The following ZNF385D variants were observed in gnomAD, a reference collection of about 807,000 sequenced individuals.
ZNF385D encodes zinc finger protein 385D.
A neutral mutation model predicts 35.8 loss-of-function variants in ZNF385D; 15 were observed. That is an observed-to-expected ratio of 0.42 (90% CI 0.28 to 0.64). ZNF385D has a LOEUF of 0.64. ZNF385D is among the 30% of genes least tolerant of loss of function. ZNF385D has a pLI of 0.23. For missense variants in ZNF385D, 474 were observed against 494.6 expected, an observed-to-expected ratio of 0.96 and a Z score of 0.39; for synonymous variants, 212 against 186.8, an observed-to-expected ratio of 1.13 and a Z score of -1.10.
At chr3:22,286,129 T>G (rs1702009927) in intron 2 of ZNF385D, among the ~76,000 whole-genome samples, 2 of 152,172 alleles carry the variant, frequency 1.3e-5, no homozygotes, top group Non-Finnish European at 2.9e-5. Context: ...TTTAATAATA[T>G]GTACGGTACT....
At chr3:22,337,461 G>A (rs530332638) in intron 2 of ZNF385D, among the ~76,000 whole-genome samples, 1 of 152,264 alleles carries the variant, frequency 6.6e-6, no homozygotes, top group Non-Finnish European at 1.5e-5. Context: ...CTGAACCTGG[G>A]AAGCGGAGGT....
chr3:21,961,902 G>A (rs908728561), intron 3 of ZNF385D, among the ~76,000 whole-genome samples: 1 of 152,026 alleles, frequency 6.6e-6, no homozygotes, highest in South Asian at 2.1e-4. Flanking sequence ...AAAGAAAACT[G>A]TTATGACTAA....
At chr3:22,103,347 T>A (rs1441751866) in intron 3 of ZNF385D, among the ~76,000 whole-genome samples, 1 of 151,978 alleles carries the variant, frequency 6.6e-6, no homozygotes, top group Non-Finnish European at 1.5e-5. Flanking sequence ...TTTCAGTCAA[T>A]TTTTGATAAC....
chr3:22,071,209 A>G (rs767001152), intron 3 of ZNF385D, among the ~76,000 whole-genome samples: 7 of 152,160 alleles, frequency 4.6e-5, no homozygotes, highest in Non-Finnish European at 8.8e-5. Context: ...TAAATTCATA[A>G]TATTTGACAT....
chr3:21,775,869 GCT>G (rs1431779209), intron 3 of ZNF385D, among the ~76,000 whole-genome samples: 16 of 151,488 alleles, frequency 1.1e-4, no homozygotes, highest in Admixed American at 1.1e-3. Context: ...ATTAAGACAT[GCT>G]CTTTTTTAAA....
intron 3 of ZNF385D, among the ~76,000 whole-genome samples, chr3:22,022,240 T>C (rs1380000033): frequency 6.6e-6 from 1 of 152,128 alleles, no homozygotes; most frequent in Non-Finnish European, 1.5e-5. Context: ...AACTGGCACA[T>C]GGTTAAGCTT....
rs78259210 is a variant in ZNF385D, at chr3:21,940,358, C to T, written c.325+228459G>A. Among the ~76,000 whole-genome samples the T allele has an allele frequency of 5.0e-3, 762 of 152,222 alleles. 8 individuals are homozygous for T. Among genetic ancestry groups the T allele is most frequent in the African/African-American group, 0.017 (711 of 41,538 alleles). ...AGTTGCTTACTCCCCATGTATCTCA[C>T]GTTCTTCGTCTGTCAAATGGGAAAA... On this transcript the variant is annotated intron_variant, in intron 3 of 5. Transcript: ENST00000494108.
At chr3:21,962,683 G>T (rs1012352157) in intron 3 of ZNF385D, among the ~76,000 whole-genome samples, 3 of 152,160 alleles carry the variant, frequency 2.0e-5, no homozygotes, top group Non-Finnish European at 4.4e-5. Context: ...TAACTGGTGA[G>T]GTGTCCAATT....
chr3:22,152,958 T>C (rs1705340305), intron 3 of ZNF385D, among the ~76,000 whole-genome samples: 1 of 152,166 alleles, frequency 6.6e-6, no homozygotes. Context: ...GTGTACCTCT[T>C]ATCTACTCAC....
intron 3 of ZNF385D, among the ~76,000 whole-genome samples, chr3:22,163,240 T>C (rs953792161): frequency 2.0e-5 from 3 of 152,154 alleles, no homozygotes; most frequent in African/African-American, 7.2e-5. Context: ...TTAGAGATTC[T>C]TGAATCACAC....
At chr3:22,031,270 C>A (rs1320723188) in intron 3 of ZNF385D, among the ~76,000 whole-genome samples, 1 of 152,196 alleles carries the variant, frequency 6.6e-6, no homozygotes. Context: ...TCTGTGGGGG[C>A]TCCAAGCCCA....
chr3:21,471,141 C>T (rs542458511), intron 4 of ZNF385D, among the ~76,000 whole-genome samples: 20 of 152,178 alleles, frequency 1.3e-4, no homozygotes, highest in Non-Finnish European at 2.4e-4. Flanking sequence ...ATGTCATAGC[C>T]GGCGTTATGC....
chr3:21,650,628 A>C (rs1326335679), intron 2 of ZNF385D, among the ~76,000 whole-genome samples: 2 of 152,216 alleles, frequency 1.3e-5, no homozygotes, highest in Non-Finnish European at 2.9e-5. Flanking sequence ...AATTTAAAAT[A>C]ACATATATAA....
At chr3:21,654,613 G>A (rs541588294) in intron 2 of ZNF385D, among the ~76,000 whole-genome samples, 2 of 152,008 alleles carry the variant, frequency 1.3e-5, no homozygotes, top group East Asian at 3.9e-4. Context: ...CTTTGCTGAA[G>A]GACCAGCCCT....
chr3:22,225,452 T>C (rs1247005045), intron 2 of ZNF385D, among the ~76,000 whole-genome samples: 1 of 152,148 alleles, frequency 6.6e-6, no homozygotes, highest in Non-Finnish European at 1.5e-5. Flanking sequence ...CTTTCCCCAC[T>C]GAAAGCAGCT....
At chr3:21,876,303 G>C (rs1697966431) in intron 3 of ZNF385D, among the ~76,000 whole-genome samples, 1 of 151,160 alleles carries the variant, frequency 6.6e-6, no homozygotes, top group African/African-American at 2.4e-5. Context: ...ATCTATTAGG[G>C]GTGCCTCAGA....
At chr3:22,291,148 C>A (rs370373452) in intron 2 of ZNF385D, among the ~76,000 whole-genome samples, 2 of 152,116 alleles carry the variant, frequency 1.3e-5, no homozygotes, top group African/African-American at 4.8e-5. Context: ...CCATAATACT[C>A]CCTCTTCCTC....
chr3:21,854,191 T>C (rs1238785923), intron 3 of ZNF385D, among the ~76,000 whole-genome samples: 1 of 144,034 alleles, frequency 6.9e-6, no homozygotes, highest in African/African-American at 2.5e-5. Flanking sequence ...TCTATTCTCA[T>C]CTTGGGCCGC....
chr3:21,726,902 C>G (rs1311836075), intron 1 of ZNF385D, among the ~76,000 whole-genome samples: 2 of 152,034 alleles, frequency 1.3e-5, no homozygotes, highest in Non-Finnish European at 2.9e-5. Flanking sequence ...GGAGACATTA[C>G]CCTACCTGAC....
Sources: allele counts gnomAD v4.1 joint callset (sites outside exome capture counted in the v4.1 genomes callset), GRCh38; gene constraint gnomAD v4.1.1; transcripts MANE v1.5; gene names NCBI Gene and HGNC (gene_info 2026-07-23, HGNC 2026-07-21).